The following ZBTB43 variants were observed in gnomAD, a reference collection of about 807,000 sequenced individuals.
ZBTB43 encodes the protein zinc finger and BTB domain-containing protein 43.
Under a neutral mutation model 31.1 loss-of-function variants are expected in ZBTB43, and 6 were observed. That is an observed-to-expected ratio of 0.19 (90% CI 0.11 to 0.38). The LOEUF is 0.38. ZBTB43 is among the 10% of genes least tolerant of loss of function. The probability of loss-of-function intolerance (pLI) is 1.00; values close to 1 mark genes in which losing one functional copy is unlikely to be tolerated. For missense variants in ZBTB43, 379 were observed against 602.1 expected, an observed-to-expected ratio of 0.63 and a Z score of 3.88; for synonymous variants, 212 against 221.7, an observed-to-expected ratio of 0.96 and a Z score of 0.39.
rs113562670 is a variant in ZBTB43, at chr9:126,806,235, T to C, written c.-147+1103T>C. Among the ~76,000 whole-genome samples, 434 of 152,304 alleles carry C rather than the reference T, an allele frequency of 2.8e-3. 7 individuals carry two copies. Among genetic ancestry groups the C allele is most frequent in the African/African-American group, 0.01 (427 of 41,568 alleles). On this transcript the variant is annotated intron_variant, in intron 1 of 2. Coordinates refer to ENST00000373464, the MANE Select transcript of ZBTB43 (RefSeq NM_014007.4). ...GCTAAGAAAGGATCAGACTGAGGTC[T>C]TTGGGGCTACTGGAACAGTAGCAGG...
chr9:126,820,645 AT>A (rs765942533), intron 2 of ZBTB43, among the ~76,000 whole-genome samples: 5 of 152,126 alleles, frequency 3.3e-5, no homozygotes, highest in Non-Finnish European at 7.4e-5. Flanking sequence ...CCAAGGAGTA[AT>A]TTCAATTTTC....
intron 1 of ZBTB43, among the ~76,000 whole-genome samples, chr9:126,808,003 C>T (rs563642877): frequency 5.3e-5 from 8 of 152,224 alleles, no homozygotes; most frequent in Admixed American, 4.6e-4. Flanking sequence ...TTATTTGTAA[C>T]ATATTGAGGA....
chr9:126,825,387 G>A (rs553424332), intron 2 of ZBTB43, among the ~76,000 whole-genome samples: 2 of 152,016 alleles, frequency 1.3e-5, no homozygotes, highest in Non-Finnish European at 2.9e-5. Flanking sequence ...GCTTGTATTA[G>A]TTTGGCAGAG....
At chr9:126,817,021 T>A (rs1359085240) in intron 2 of ZBTB43, among the ~76,000 whole-genome samples, 1 of 151,282 alleles carries the variant, frequency 6.6e-6, no homozygotes, top group Middle Eastern at 3.2e-3. Context: ...GTGTTACTGA[T>A]CCCGTCAGAA....
chr9:126,807,522 C>T (rs1283104572), intron 1 of ZBTB43, among the ~76,000 whole-genome samples: 1 of 152,152 alleles, frequency 6.6e-6, no homozygotes, highest in African/African-American at 2.4e-5. Flanking sequence ...TTAAAACTGC[C>T]ACCTGGTGAT....
intron 2 of ZBTB43, among the ~76,000 whole-genome samples, chr9:126,820,079 C>T (rs763893017): frequency 1.3e-4 from 20 of 152,154 alleles, no homozygotes; most frequent in African/African-American, 4.8e-5. Flanking sequence ...AGAAGTGTCT[C>T]CGTAATGTAA....
rs555560064 is a variant in ZBTB43 at position 126,822,800 on chromosome 9, C to G, written c.-23-9687C>G. Among the ~76,000 whole-genome samples, 3 of 152,240 alleles carry G rather than the reference C, an allele frequency of 2.0e-5. No individual in the cohort carries two copies. In the South Asian group the frequency reaches 6.2e-4, roughly 32 times the overall value. ...CACCCTACCGTTCAGCAGTCACCAC[C>G]CTGATCAGTCAGCAGCCATCCACTC... On this transcript the variant is annotated intron_variant, in intron 2 of 2. Coordinates refer to ENST00000373464, the MANE Select transcript of ZBTB43 (RefSeq NM_014007.4).
intron 2 of ZBTB43, among the ~76,000 whole-genome samples, chr9:126,814,315 AC>A (rs1410232326): frequency 4.0e-5 from 6 of 150,604 alleles, no homozygotes; most frequent in African/African-American, 1.2e-4. Flanking sequence ...GATGAAATTT[AC>A]ATCTGTAAAA....
chr9:126,827,540 G>C (rs1249854481), intron 2 of ZBTB43, among the ~76,000 whole-genome samples: 1 of 152,180 alleles, frequency 6.6e-6, no homozygotes, highest in Non-Finnish European at 1.5e-5. Context: ...TGCTGTGAGT[G>C]TCTGATCCGC....
At chr9:126,828,094 A>C (rs946490988) in intron 2 of ZBTB43, among the ~76,000 whole-genome samples, 1 of 152,288 alleles carries the variant, frequency 6.6e-6, no homozygotes, top group Non-Finnish European at 1.5e-5. Context: ...GTGTTAGAAA[A>C]ACAGGCTAGC....
intron 2 of ZBTB43, among the ~76,000 whole-genome samples, chr9:126,823,290 TTGTTAGG>T (rs1407829944): frequency 6.6e-6 from 1 of 152,246 alleles, no homozygotes; most frequent in Non-Finnish European, 1.5e-5. Flanking sequence ...TAGAGTTATC[TTGTTAGG>T]TGTGTATATG....
intron 2 of ZBTB43, among the ~76,000 whole-genome samples, chr9:126,825,107 G>A (rs1041403048): frequency 1.3e-5 from 2 of 151,992 alleles, no homozygotes; most frequent in Admixed American, 6.6e-5. Context: ...ACCATGCCTG[G>A]CTATTGTATT....
chr9:126,828,639 A>ATTATTATTATT (rs1564206179), intron 2 of ZBTB43, among the ~76,000 whole-genome samples: 22 of 126,932 alleles, frequency 1.7e-4, no homozygotes, highest in East Asian at 9.2e-4. Flanking sequence ...AAATAATAAT[A>ATTATTATTATT]ATAATAATAA....
chr9:126,828,049 A>G (rs1384743663), intron 2 of ZBTB43, among the ~76,000 whole-genome samples: 1 of 152,128 alleles, frequency 6.6e-6, no homozygotes, highest in Non-Finnish European at 1.5e-5. Context: ...AGATACTTGC[A>G]CTTTATGAAG....
rs2032843545 is a variant in ZBTB43 at position 126,834,690 on chromosome 9, T to C, written c.*777T>C. Reference sequence around the variant, plus strand: ...GGTGCCAGAGATAGGTATTTCTCATTGGTTTGCTTTCCCAAATCCTGTTTG... The same window carrying C: ...GGTGCCAGAGATAGGTATTTCTCATCGGTTTGCTTTCCCAAATCCTGTTTG... On this transcript the variant is annotated 3_prime_UTR_variant, in exon 3 of 3. Coordinates refer to ENST00000373464, the MANE Select transcript of ZBTB43 (RefSeq NM_014007.4). The C allele has an allele frequency of 6.0e-6, 1 of 167,044 alleles. No individual in the cohort carries two copies. 10.3% of individuals were successfully genotyped at this position (167,044 alleles called of 1,614,324 possible).
intron 2 of ZBTB43, among the ~76,000 whole-genome samples, chr9:126,816,671 C>T (rs934588284): frequency 2.6e-5 from 4 of 152,182 alleles, no homozygotes; most frequent in Non-Finnish European, 5.9e-5. Context: ...AAGCTAGATG[C>T]AGGGCTGAAC....
rs1175191002 is a variant in ZBTB43 at position 126,832,545 on chromosome 9, T to C, written c.36T>C (p.Phe12=). The C allele has an allele frequency of 1.4e-5, 22 of 1,609,028 alleles. No individual in the cohort carries two copies. Among genetic ancestry groups the C allele is most frequent in the South Asian group, 1.3e-4 (12 of 91,008 alleles). The change falls in exon 3 of 3, where the codon TTT becomes TTC. Residue 12 remains phenylalanine, a synonymous_variant. Transcript: ENST00000373464. ...EPGTNSFRVE[F]PDFSSTILQK... is the part of the protein sequence containing the mutation. Reference sequence around the variant, plus strand: ...GAACAAACTCTTTTCGGGTAGAATTTCCTGATTTTTCCAGCACCATTCTAC... The same window carrying C: ...GAACAAACTCTTTTCGGGTAGAATTCCCTGATTTTTCCAGCACCATTCTAC...
In ZBTB43 at chr9:126,829,137, G is replaced by A. The variant is rs2032713759; in HGVS notation, c.-23-3350G>A. 2.0e-5 allele frequency among the ~76,000 whole-genome samples: 3 copies of A among 152,258 alleles called. 1 individual carries two copies. Among genetic ancestry groups the A allele is most frequent in the South Asian group, 4.1e-4 (2 of 4,822 alleles). ...GTGCAGGCTTTCTGGCAAGTAGTTT[G>A]GTAATATGTATCAGAAAATTTTTTA... is the stretch of plus-strand genomic sequence containing the variant. On this transcript the variant is annotated intron_variant, in intron 2 of 2. Coordinates refer to ENST00000373464, the MANE Select transcript of ZBTB43 (RefSeq NM_014007.4).
intron 2 of ZBTB43, among the ~76,000 whole-genome samples, chr9:126,821,976 C>T (rs2032520906): frequency 6.6e-6 from 1 of 152,110 alleles, no homozygotes; most frequent in Non-Finnish European, 1.5e-5. Flanking sequence ...AGTTCTCCTG[C>T]CTCAGCCTCC....
Sources: gnomAD v4.1 joint callset for allele counts (sites outside exome capture counted in the v4.1 genomes callset) on GRCh38, gnomAD v4.1.1 for gene constraint, MANE v1.5 for transcripts, NCBI Gene and HGNC (gene_info 2026-07-23, HGNC 2026-07-21) for gene names.